Variants in CNTNAP2 observed in about 807,000 individuals in gnomAD.
CNTNAP2 encodes the protein contactin-associated protein-like 2.
A neutral mutation model predicts 155.2 loss-of-function variants in CNTNAP2; 98 were observed. The observed-to-expected ratio is 0.63, with a 90% CI of 0.54 to 0.75. The LOEUF (loss-of-function observed/expected upper bound fraction) is 0.75. Among genes scored for constraint, CNTNAP2 ranks in the 30% least tolerant of loss-of-function variants. CNTNAP2 has a pLI of 0.00. For missense variants in CNTNAP2, 1,727 were observed against 1,688.1 expected, an observed-to-expected ratio of 1.02 and a Z score of -0.40; for synonymous variants, 651 against 631.2, an observed-to-expected ratio of 1.03 and a Z score of -0.47.
chr7:146,894,018 G>C (rs1032856190), intron 3 of CNTNAP2, among the ~76,000 whole-genome samples: 1 of 152,116 alleles, frequency 6.6e-6, no homozygotes, highest in Non-Finnish European at 1.5e-5. Context: ...GAAGACAGTG[G>C]ATACTGCCTA....
At chr7:148,015,301 T>C (rs1219389151) in intron 15 of CNTNAP2, among the ~76,000 whole-genome samples, 29 of 152,198 alleles carry the variant, frequency 1.9e-4, no homozygotes, top group Admixed American at 1.9e-3. Context: ...TAAGGGCTGA[T>C]GTCCTCCAAG....
rs550784167 is a variant in CNTNAP2, at chr7:147,578,038, T to C, written c.1897+15781T>C. 1.1e-4 allele frequency among the ~76,000 whole-genome samples: 17 copies of C among 152,254 alleles called. No individual in the cohort carries two copies. In the South Asian group the frequency reaches 3.1e-3, roughly 28 times the overall value. ...CAACATTTGAGTACTTCCTTCATTG[T>C]GGCCGCTTTAGAATCTATCTGTATG... is the stretch of plus-strand genomic sequence containing the variant. On this transcript the variant is annotated intron_variant, in intron 12 of 23. Transcript: ENST00000361727.
At chr7:146,996,347 G>A (rs934264361) in intron 3 of CNTNAP2, among the ~76,000 whole-genome samples, 8 of 151,906 alleles carry the variant, frequency 5.3e-5, no homozygotes, top group African/African-American at 1.2e-4. Flanking sequence ...TTCAATCTAC[G>A]AACATAAAGT....
intron 21 of CNTNAP2, among the ~76,000 whole-genome samples, chr7:148,344,065 C>T (rs1374300755): frequency 1.3e-5 from 2 of 152,118 alleles, no homozygotes; most frequent in Non-Finnish European, 1.5e-5. Flanking sequence ...GAGCGTTGTC[C>T]GGGGCAAACC....
chr7:147,062,858 G>A (rs892877314), intron 4 of CNTNAP2, among the ~76,000 whole-genome samples: 1 of 152,106 alleles, frequency 6.6e-6, no homozygotes, highest in Non-Finnish European at 1.5e-5. Context: ...CATTAAATAA[G>A]CATAAAAATG....
At chr7:146,385,029 C>T (rs1287912181) in intron 1 of CNTNAP2, among the ~76,000 whole-genome samples, 1 of 152,154 alleles carries the variant, frequency 6.6e-6, no homozygotes, top group Non-Finnish European at 1.5e-5. Flanking sequence ...TGTATAGTCA[C>T]TAGACTATAC....
chr7:147,643,483 A>G (rs1175973775), intron 13 of CNTNAP2: 3 of 152,230 alleles, frequency 2.0e-5, no homozygotes, highest in Non-Finnish European at 4.4e-5. Context: ...AAAACAAGAA[A>G]GAACACAATT....
At chr7:146,127,726 A>G (rs1177587461) in intron 1 of CNTNAP2, among the ~76,000 whole-genome samples, 1 of 152,188 alleles carries the variant, frequency 6.6e-6, no homozygotes, top group Non-Finnish European at 1.5e-5. Context: ...CAAATTAAAG[A>G]CGTGTCAACA....
Position 147,594,799 on chromosome 7 carries a change from A to C in CNTNAP2, c.1897+32542A>C, listed in dbSNP as rs183797430. The stretch of plus-strand genomic sequence containing the variant: ...TCAAAAGCATAGATTAACCAAGGCA[A>C]GCTCTAAAGTAAGAAGCAATATGGT... On this transcript the variant is annotated intron_variant, in intron 12 of 23. Coordinates refer to ENST00000361727, the MANE Select transcript of CNTNAP2 (RefSeq NM_014141.6). Among the ~76,000 whole-genome samples the C allele has an allele frequency of 1.5e-4, 23 of 152,332 alleles. No individual in the cohort carries two copies. The East Asian group carries it at 4.4e-3, about 29-fold the overall frequency.
intron 20 of CNTNAP2, among the ~76,000 whole-genome samples, chr7:148,241,008 G>C (rs62470459): frequency 6.6e-6 from 1 of 151,966 alleles, no homozygotes; most frequent in Non-Finnish European, 1.5e-5. Context: ...GACTCAAATG[G>C]TAATCTCCTC....
At chr7:146,764,779 T>G (rs111340740) in intron 1 of CNTNAP2, among the ~76,000 whole-genome samples, 1,823 of 152,246 alleles carry the variant, frequency 0.012, 43 homozygotes, top group African/African-American at 0.041. Context: ...TTTTATTTCA[T>G]TATTATTTTT....
chr7:147,714,713 G>A (rs1263543032), intron 13 of CNTNAP2, among the ~76,000 whole-genome samples: 1 of 152,038 alleles, frequency 6.6e-6, no homozygotes, highest in Non-Finnish European at 1.5e-5. Flanking sequence ...GTGTACTCAT[G>A]TGTATGTATA....
chr7:147,601,644 A>AAAAAAAAAAAAAT (rs1299075338), intron 12 of CNTNAP2, among the ~76,000 whole-genome samples: 78 of 87,440 alleles, frequency 8.9e-4, no homozygotes, highest in African/African-American at 3.3e-3. Context: ...CTTAAAAAAA[A>AAAAAAAAAAAAAT]ATATATATAT....
intron 1 of CNTNAP2, among the ~76,000 whole-genome samples, chr7:146,462,733 C>T (rs545050298): frequency 4.3e-4 from 66 of 152,272 alleles, no homozygotes; most frequent in Non-Finnish European, 9.1e-4. Context: ...GAGGCCCACG[C>T]AGAGTTCTTG....
At chr7:147,256,556 G>T (rs1298325834) in intron 8 of CNTNAP2, among the ~76,000 whole-genome samples, 1 of 152,134 alleles carries the variant, frequency 6.6e-6, no homozygotes, top group Non-Finnish European at 1.5e-5. Flanking sequence ...TGATAGCCTG[G>T]ACTAAGTGGT....
intron 1 of CNTNAP2, chr7:146,208,605 A>G (rs75810373): frequency 6.9e-6 from 1 of 145,718 alleles, no homozygotes; most frequent in Non-Finnish European, 1.5e-5. Context: ...TCATAGTCTG[A>G]AAAAAAAAAA....
intron 1 of CNTNAP2, among the ~76,000 whole-genome samples, chr7:146,306,494 T>G (rs1220042676): frequency 2.0e-5 from 3 of 152,154 alleles, no homozygotes. Flanking sequence ...GCAAAAATCC[T>G]CAATAAAATA....
intron 21 of CNTNAP2, among the ~76,000 whole-genome samples, chr7:148,334,833 G>C (rs757651787): frequency 2.0e-5 from 3 of 152,214 alleles, no homozygotes; most frequent in Non-Finnish European, 2.9e-5. Context: ...CTTTGGGAGA[G>C]TGGAGAGAAG....
Position 147,639,245 on chromosome 7 carries a change from C to T in CNTNAP2, c.2037C>T (p.Ala679=), listed in dbSNP as rs539741829. The T allele has an allele frequency of 4.3e-6, 7 of 1,614,062 alleles. No individual in the cohort carries two copies. The highest frequency in any genetic ancestry group is 2.2e-5 in the South Asian group (2 of 91,088). ...AGATAAGTGCCATCACTGACAGTGC[C>T]GAGTACTGCGAGCAGTATGTCTCCT... ...MDQISAITDS[A]EYCEQYVSYF... The change falls in exon 13 of 24, where the codon GCC becomes GCT. Residue 679 remains alanine, a synonymous_variant. Transcript: ENST00000361727.
Sources: gnomAD v4.1 joint callset for allele counts (sites outside exome capture counted in the v4.1 genomes callset) on GRCh38, gnomAD v4.1.1 for gene constraint, MANE v1.5 for transcripts, NCBI Gene and HGNC (gene_info 2026-07-23, HGNC 2026-07-21) for gene names.